Variants in ZNF124 observed in about 807,000 individuals in gnomAD.
ZNF124 encodes the protein zinc finger protein 124.
Under a neutral mutation model 26.6 loss-of-function variants are expected in ZNF124, and 25 were observed. That is an observed-to-expected ratio of 0.94 (90% CI 0.68 to 1.31). ZNF124 has a LOEUF of 1.31. ZNF124 is among the 40% of genes most tolerant of loss of function. The pLI is 0.00. For missense variants in ZNF124, 444 were observed against 422.2 expected, an observed-to-expected ratio of 1.05 and a Z score of -0.45; for synonymous variants, 129 against 133.3, an observed-to-expected ratio of 0.97 and a Z score of 0.22.
chr1:247,137,399 T>C (rs1369098207), intron 3 of ZNF124, among the ~76,000 whole-genome samples: 2 of 139,962 alleles, frequency 1.4e-5, no homozygotes, highest in Admixed American at 7.4e-5. Context: ...ATCCCAGCAG[T>C]TTGGGAGGCC....
chr1:247,131,418 C>T (rs1672364518), intron 3 of ZNF124, among the ~76,000 whole-genome samples: 1 of 152,212 alleles, frequency 6.6e-6, no homozygotes, highest in African/African-American at 2.4e-5. Context: ...TAAGCCTACC[C>T]AACTCCCAGG....
intron 1 of ZNF124, among the ~76,000 whole-genome samples, chr1:247,162,670 CTT>C (rs1673551278): frequency 6.8e-6 from 1 of 146,894 alleles, no homozygotes; most frequent in Non-Finnish European, 1.5e-5. Context: ...ATAAAACAGA[CTT>C]TAAACCAAAA....
Position 247,156,042 on chromosome 1 carries a change from T to C in ZNF124, c.*524A>G. On this transcript the variant is annotated 3_prime_UTR_variant, in exon 4 of 4. Coordinates refer to ENST00000543802, the MANE Select transcript of ZNF124 (RefSeq NM_001297568.2). ...TGTACTATAATTATTTTCCATAAGG[T>C]TTTCCATAATATTTACATTTACAGG... 3.1e-6 allele frequency: 3 copies of C among 965,250 alleles called. No homozygotes were observed. Among genetic ancestry groups the C allele is most frequent in the Non-Finnish European group, 3.7e-6 (3 of 811,712 alleles). 59.8% of individuals were successfully genotyped at this position (965,250 alleles called of 1,614,324 possible).
At chr1:247,161,298 AG>A (rs1478899112) in intron 1 of ZNF124, among the ~76,000 whole-genome samples, 1 of 152,214 alleles carries the variant, frequency 6.6e-6, no homozygotes, top group Non-Finnish European at 1.5e-5. Flanking sequence ...CTAATAACAG[AG>A]GAGGCATTGT....
chr1:247,166,505 T>C (rs902115281), intron 1 of ZNF124, among the ~76,000 whole-genome samples: 30 of 152,230 alleles, frequency 2.0e-4, no homozygotes, highest in African/African-American at 6.3e-4. Flanking sequence ...ATTCCATGTA[T>C]TTGCTATTGT....
downstream of ZNF124, among the ~76,000 whole-genome samples, chr1:247,151,250 C>T (rs918825676): frequency 7.9e-5 from 12 of 151,994 alleles, no homozygotes; most frequent in East Asian, 1.9e-4. Flanking sequence ...GAGGTCGAGG[C>T]GGGCGGATCA....
chr1:247,133,856 T>C (rs970097565), intron 3 of ZNF124, among the ~76,000 whole-genome samples: 6 of 151,976 alleles, frequency 3.9e-5, no homozygotes, highest in Admixed American at 3.3e-4. Flanking sequence ...TTTCATCATG[T>C]TAGTCAGGCT....
At chr1:247,142,702 A>G (rs975631757) in intron 3 of ZNF124, among the ~76,000 whole-genome samples, 1 of 152,156 alleles carries the variant, frequency 6.6e-6, no homozygotes, top group Non-Finnish European at 1.5e-5. Context: ...AGAATCTAAG[A>G]CAAGGTATAT....
At chr1:247,124,188 T>C (rs1034369570) in intron 3 of ZNF124, among the ~76,000 whole-genome samples, 12 of 151,182 alleles carry the variant, frequency 7.9e-5, no homozygotes, top group African/African-American at 2.7e-4. Flanking sequence ...TTTAGCCATT[T>C]AAAATGAATG....
intron 3 of ZNF124, among the ~76,000 whole-genome samples, chr1:247,139,303 T>A (rs541674358): frequency 1.3e-5 from 2 of 152,366 alleles, no homozygotes; most frequent in South Asian, 4.1e-4. Context: ...TTGGTTTAAA[T>A]CTGTTTTGTC....
rs1672385980 is a variant in ZNF124, at chr1:247,132,298, A to G, written c.219-8427T>C. ...ACCCCATCCAAGAGCCAGCAGCCTC[A>G]AAACTGAAGCTAGACAAACTCACAA... On this transcript the variant is annotated intron_variant, in intron 3 of 3. Transcript: ENST00000472531. Among the ~76,000 whole-genome samples, 3 of 152,332 alleles carry G rather than the reference A, an allele frequency of 2.0e-5. No homozygotes were observed. The South Asian group carries it at 6.2e-4, about 32-fold the overall frequency.
At chr1:247,157,850 G>T (rs986623470) in intron 3 of ZNF124, among the ~76,000 whole-genome samples, 1 of 151,960 alleles carries the variant, frequency 6.6e-6, no homozygotes, top group Admixed American at 6.6e-5. Flanking sequence ...GTATGACCTG[G>T]TGTGAGGTGC....
chr1:247,144,305 A>G (rs979876335), intron 3 of ZNF124, among the ~76,000 whole-genome samples: 3 of 152,176 alleles, frequency 2.0e-5, no homozygotes, highest in Admixed American at 2.0e-4. Context: ...TCTCCTAGAC[A>G]TTTTATCTAG....
intron 3 of ZNF124, among the ~76,000 whole-genome samples, chr1:247,148,468 G>C (rs1241094609): frequency 6.6e-6 from 1 of 152,180 alleles, no homozygotes; most frequent in Non-Finnish European, 1.5e-5. Context: ...CAACTTCATG[G>C]ATATTAGAAG....
intron 2 of ZNF124, among the ~76,000 whole-genome samples, 157 bp from the exon 3 acceptor site, chr1:247,159,223 G>A (rs1486842104): frequency 6.6e-6 from 1 of 152,366 alleles, no homozygotes; most frequent in East Asian, 1.9e-4. Flanking sequence ...TATGGGTACA[G>A]ATTCCTTATT....
chr1:247,150,451 A>G (rs185478965), downstream of ZNF124, among the ~76,000 whole-genome samples: 5 of 152,314 alleles, frequency 3.3e-5, no homozygotes, highest in Non-Finnish European at 4.4e-5. Flanking sequence ...AGACAATGAC[A>G]GGTGACAGCA....
At chr1:247,144,052 A>G (rs1339850654) in intron 3 of ZNF124, among the ~76,000 whole-genome samples, 1 of 152,182 alleles carries the variant, frequency 6.6e-6, no homozygotes, top group Non-Finnish European at 1.5e-5. Context: ...CTGCCCTACC[A>G]TCTGCTCCAA....
chr1:247,132,146 G>A (rs1394676899), intron 3 of ZNF124, among the ~76,000 whole-genome samples: 5 of 152,096 alleles, frequency 3.3e-5, no homozygotes, highest in East Asian at 3.9e-4. Context: ...AGATGAATAC[G>A]CCTGAAGTGA....
At chr1:247,135,296 C>A (rs936149314) in intron 3 of ZNF124, among the ~76,000 whole-genome samples, 1 of 151,802 alleles carries the variant, frequency 6.6e-6, no homozygotes, top group African/African-American at 2.4e-5. Context: ...AGACCACTAG[C>A]TAGACTAATA....
Sources: allele counts gnomAD v4.1 joint callset (sites outside exome capture counted in the v4.1 genomes callset), GRCh38; gene constraint gnomAD v4.1.1; transcripts MANE v1.5; gene names NCBI Gene and HGNC (gene_info 2026-07-23, HGNC 2026-07-21).